Variants in TSFM observed in about 807,000 individuals in gnomAD.
TSFM encodes elongation factor Ts, mitochondrial.
In TSFM, 29 loss-of-function variants were observed where a neutral mutation model predicts 33.4. The ratio of observed to expected loss-of-function variants is 0.87; its 90% CI spans 0.65 to 1.18. The LOEUF (loss-of-function observed/expected upper bound fraction) is 1.18, where lower values mean the gene tolerates loss of function less well. Among genes scored for constraint, TSFM ranks in the 50% most tolerant of loss-of-function variants. The pLI is 0.00. For synonymous variants in TSFM, 178 were observed against 163.5 expected (o/e 1.09, Z -0.68); for missense variants, 394 against 395.6 (o/e 1.00, Z 0.04).
chr12:57,783,509 G>T, intron 2 of TSFM: 1 of 699,308 alleles, frequency 1.4e-6, no homozygotes, highest in East Asian at 2.9e-5. Flanking sequence ...GTTTCTTGTT[G>T]CCTGGAGCTG....
chr12:57,783,554 C>T (rs1372178464), intron 2 of TSFM: 4 of 644,328 alleles, frequency 6.2e-6, no homozygotes, highest in Non-Finnish European at 8.8e-6. Context: ...TCAGATTGTT[C>T]AGGAGTCAAA....
downstream of TSFM, chr12:57,801,453 T>C (rs1225753595): frequency 2.0e-5 from 7 of 342,170 alleles, no homozygotes; most frequent in Non-Finnish European, 3.8e-5. Flanking sequence ...GAAAGAGCAG[T>C]TGAAGGCCAG....
chr12:57,793,502 G>A (rs1392816601), intron 5 of TSFM, among the ~76,000 whole-genome samples: 15 of 152,320 alleles, frequency 9.8e-5, no homozygotes, highest in African/African-American at 3.4e-4. Flanking sequence ...GATTACAGGC[G>A]TGAGCCACCG....
chr12:57,783,866 T>G, intron 2 of TSFM: 1 of 674,962 alleles, frequency 1.5e-6, no homozygotes, highest in Non-Finnish European at 2.7e-6. Context: ...TCCGCCCGCC[T>G]CGGCTTCCCA....
chr12:57,794,794 C>G (rs553536965), intron 5 of TSFM, among the ~76,000 whole-genome samples: 1 of 152,172 alleles, frequency 6.6e-6, no homozygotes, highest in Admixed American at 6.6e-5. Flanking sequence ...GAGTCTTGCT[C>G]TGTTGCCCAG....
downstream of TSFM, chr12:57,801,230 A>G (rs758716346): frequency 6.2e-7 from 1 of 1,608,034 alleles, no homozygotes; most frequent in Non-Finnish European, 8.5e-7. Context: ...GAAGAGAGAG[A>G]AAACACAGGA....
At chr12:57,784,009 C>T (rs1272208487) in intron 2 of TSFM, 5 of 702,784 alleles carry the variant, frequency 7.1e-6, no homozygotes, top group East Asian at 2.7e-5. Context: ...GAAATGGCGT[C>T]GTTAGGAGAT....
chr12:57,783,383 A>G (rs1004839231), intron 2 of TSFM, 100 bp downstream of exon 2: 1 of 1,394,174 alleles, frequency 7.2e-7, no homozygotes. Flanking sequence ...CTCTTCAGTG[A>G]CCATAATGGC....
chr12:57,793,145 CT>C, intron 5 of TSFM, 72 bp downstream of exon 5: 5 of 1,350,494 alleles, frequency 3.7e-6, no homozygotes, highest in Non-Finnish European at 5.2e-6. Context: ...TCCTCCAAAT[CT>C]AGGTCAAGAA....
Position 57,782,951 on chromosome 12 carries a change from A to G in TSFM, c.57+93A>G. 3 of 1,486,444 alleles carry G rather than the reference A, an allele frequency of 2.0e-6. No individual in the cohort carries two copies. The South Asian group carries it at 3.8e-5, about 19-fold the overall frequency. 92.1% of individuals were successfully genotyped at this position (1,486,444 alleles called of 1,614,324 possible). Reference sequence around the variant, plus strand: ...CTTCCTCCCAACCTCGTTTGACTCCATCTCACCTTCCCCGACAGCATTGCC... The same window carrying G: ...CTTCCTCCCAACCTCGTTTGACTCCGTCTCACCTTCCCCGACAGCATTGCC... On this transcript the variant is annotated intron_variant, in intron 1 of 5. Coordinates refer to ENST00000652027, the MANE Select transcript of TSFM (RefSeq NM_005726.6).
In TSFM at chr12:57,793,085, T is replaced by C. The variant is rs1222190581; in HGVS notation, c.571+12T>C. The C allele has an allele frequency of 1.2e-6, 2 of 1,610,120 alleles. No homozygotes were observed. Among genetic ancestry groups the C allele is most frequent in the Non-Finnish European group, 1.7e-6 (2 of 1,177,226 alleles). On this transcript the variant is annotated intron_variant, in intron 5 of 5. Transcript: ENST00000652027. ...GGCTTTAGCAATTGGTGAGTATTTG[T>C]AAAGGTTCTGGAAACTGGAAATTAG...
rs780373798 is a variant in TSFM at position 57,796,495 on chromosome 12, G to A, written c.890G>A (p.Gly297Glu). The change falls in exon 6 of 6, where the codon GGG becomes GAG. Residue 297 changes from glycine (G) to glutamate (E), a missense_variant. Gly to Glu is a moderately conservative substitution (Grantham distance 98). This residue lies in a region of TSFM where 186 missense variants were observed against 198.8 expected (regional missense o/e 0.94). Transcript: ENST00000652027. ...TTGCTGGATCCCTCCATTACCTTGG[G>A]GCAGTATGTGCAGCCTCAGGGGGTG... ...PYLLDPSITL[G>E]QYVQPQGVSV... 1.9e-6 allele frequency: 3 copies of A among 1,562,772 alleles called. No individual in the cohort carries two copies. The South Asian group carries it at 3.6e-5, about 19-fold the overall frequency.
chr12:57,790,664 A>G (rs187845545), intron 4 of TSFM, among the ~76,000 whole-genome samples: 1 of 149,314 alleles, frequency 6.7e-6, no homozygotes, highest in East Asian at 2.0e-4. Flanking sequence ...AGTTATTTGG[A>G]TTTTTTTTTT....
chr12:57,800,047 A>T, downstream of TSFM: 15 of 1,242,392 alleles, frequency 1.2e-5, no homozygotes, highest in Non-Finnish European at 1.7e-5. Context: ...CATCTTTGAT[A>T]ACAATGCTCC....
At chr12:57,801,065 G>T, downstream of TSFM, 1 of 1,210,618 alleles carries the variant, frequency 8.3e-7, no homozygotes, top group South Asian at 1.3e-5. Flanking sequence ...TTTTGCCTGT[G>T]AGCATCTGTA....
chr12:57,799,698 A>G, downstream of TSFM: 3 of 1,539,628 alleles, frequency 1.9e-6, no homozygotes, highest in Non-Finnish European at 8.8e-7. Context: ...TTGAGCGGCT[A>G]CAATGTGCCG....
chr12:57,786,254 G>A lies in TSFM; in HGVS notation c.323G>A (p.Gly108Glu). The A allele has an allele frequency of 6.2e-7, 1 of 1,612,280 alleles. No homozygotes were observed. The highest frequency in any genetic ancestry group is 8.5e-7 in the Non-Finnish European group (1 of 1,179,078). Residue 108 changes from glycine to glutamate, a missense_variant, in exon 3 of 6, where the codon GGG becomes GAG. Coordinates refer to ENST00000652027, the MANE Select transcript of TSFM (RefSeq NM_005726.6). ...AGGAAGACCAAAGAAGGCCTGATTG[G>A]GCTGTTGCAGGAAGGAAACACAACT... Reference protein sequence around the residue: ...QGRKTKEGLIGLLQEGNTTVL... With the variant: ...QGRKTKEGLIELLQEGNTTVL...
At chr12:57,789,337 ATC>A (rs1366800729) in intron 4 of TSFM, among the ~76,000 whole-genome samples, 1 of 152,144 alleles carries the variant, frequency 6.6e-6, no homozygotes, top group African/African-American at 2.4e-5. Context: ...TTCAGCATGT[ATC>A]TCGTAAAAAC....
At chr12:57,794,906 C>T (rs1316222153) in intron 5 of TSFM, among the ~76,000 whole-genome samples, 24 of 151,378 alleles carry the variant, frequency 1.6e-4, no homozygotes, top group Admixed American at 1.6e-3. Flanking sequence ...ACTGTAGGTG[C>T]CCGCCAGCAC....
Sources: gnomAD v4.1 joint callset for allele counts (sites outside exome capture counted in the v4.1 genomes callset) on GRCh38, gnomAD v4.1.1 for gene constraint, gnomAD v4.1.1 regional missense constraint, MANE v1.5 for transcripts, NCBI Gene and HGNC (gene_info 2026-07-23, HGNC 2026-07-21) for gene names.